HS3ST5: variants seen among roughly 807,000 people sequenced by gnomAD.
The protein encoded by HS3ST5 is heparan sulfate glucosamine 3-O-sulfotransferase 5.
In HS3ST5, 10 loss-of-function variants were observed where a neutral mutation model predicts 25.4. That is an observed-to-expected ratio of 0.39 (90% CI 0.24 to 0.67). The LOEUF is 0.67. Among genes scored for constraint, HS3ST5 ranks in the 30% least tolerant of loss-of-function variants. The pLI is 0.44. For missense variants in HS3ST5, 324 were observed against 420.7 expected, an observed-to-expected ratio of 0.77 and a Z score of 2.01; for synonymous variants, 170 against 162.4, an observed-to-expected ratio of 1.05 and a Z score of -0.36.
chr6:114,084,588 A>C, intron 3 of HS3ST5: 1 of 770,600 alleles, frequency 1.3e-6, no homozygotes, highest in South Asian at 1.3e-5. Flanking sequence ...CAAAGTCCAC[A>C]TAGTGCAGAG....
chr6:114,067,243 C>T (rs1299235199), intron 3 of HS3ST5, among the ~76,000 whole-genome samples: 2 of 152,046 alleles, frequency 1.3e-5, no homozygotes, highest in East Asian at 1.9e-4. Flanking sequence ...TGGGTCATGT[C>T]CATTGTATAA....
chr6:114,101,934 C>A (rs1377087611), intron 3 of HS3ST5, among the ~76,000 whole-genome samples: 3 of 152,126 alleles, frequency 2.0e-5, no homozygotes, highest in Admixed American at 1.3e-4. Context: ...TTATCCTAAG[C>A]AAACCAACTC....
intron 3 of HS3ST5, among the ~76,000 whole-genome samples, chr6:114,117,374 A>G (rs1776583040): frequency 6.6e-6 from 1 of 152,190 alleles, no homozygotes; most frequent in Admixed American, 6.5e-5. Flanking sequence ...ACGCAAAATC[A>G]GAAAATATGG....
At chr6:114,244,251 G>T (rs995874731) in intron 1 of HS3ST5, among the ~76,000 whole-genome samples, 1 of 152,104 alleles carries the variant, frequency 6.6e-6, no homozygotes, top group Non-Finnish European at 1.5e-5. Context: ...TCTTAGATTG[G>T]TGTTTGTGGA....
chr6:114,113,842 T>TA (rs1562202070), intron 3 of HS3ST5, among the ~76,000 whole-genome samples: 1 of 151,940 alleles, frequency 6.6e-6, no homozygotes. Context: ...CTTTTTTTTT[T>TA]ATGTGATCAT....
At chr6:114,283,915 A>C (rs1774231893) in intron 1 of HS3ST5, among the ~76,000 whole-genome samples, 1 of 151,972 alleles carries the variant, frequency 6.6e-6, no homozygotes, top group African/African-American at 2.4e-5. Flanking sequence ...AACTTATTAG[A>C]AATAACATTG....
intron 3 of HS3ST5, among the ~76,000 whole-genome samples, chr6:114,068,760 A>T (rs1773613884): frequency 2.0e-5 from 3 of 152,200 alleles, no homozygotes; most frequent in Admixed American, 1.3e-4. Flanking sequence ...TTCTTTTTAT[A>T]TAAAAAATGC....
At chr6:114,311,774 C>T (rs1369020623) in intron 1 of HS3ST5, among the ~76,000 whole-genome samples, 1 of 152,034 alleles carries the variant, frequency 6.6e-6, no homozygotes, top group Non-Finnish European at 1.5e-5. Flanking sequence ...AACTCCTGAC[C>T]TCAAGTGATC....
intron 3 of HS3ST5, among the ~76,000 whole-genome samples, chr6:114,096,791 G>T (rs964502462): frequency 2.0e-5 from 3 of 151,846 alleles, no homozygotes; most frequent in African/African-American, 7.2e-5. Flanking sequence ...TGGGAGGCCT[G>T]ACTATCACAG....
At chr6:114,289,475 G>A (rs1774478667) in intron 1 of HS3ST5, among the ~76,000 whole-genome samples, 1 of 151,984 alleles carries the variant, frequency 6.6e-6, no homozygotes, top group Non-Finnish European at 1.5e-5. Context: ...TTTTTAAATG[G>A]CCCCAGTCAG....
intron 2 of HS3ST5, among the ~76,000 whole-genome samples, chr6:114,198,750 A>G (rs1780876899): frequency 6.6e-6 from 1 of 152,326 alleles, no homozygotes. Context: ...TCATGTGGTT[A>G]TAAGTAGAAA....
At position 114,311,538 on chromosome 6, in the gene HS3ST5, TC is replaced by T. The variant is rs1429446502; in HGVS notation, c.-339+30656del. Among the ~76,000 whole-genome samples the T allele has an allele frequency of 1.8e-4, 18 of 101,860 alleles. No individual in the cohort carries two copies. In the South Asian group the frequency reaches 1.8e-3, roughly 10 times the overall value. 66.8% of individuals were successfully genotyped at this position (101,860 alleles called of 152,430 possible). ...AACATATTTTCTTTCTTTCTCTCTC[TC>T]TTTTTTTTTTTTTTTTTTTTTTTGA... On this transcript the variant is annotated intron_variant, in intron 1 of 4. Transcript: ENST00000312719.
intron 1 of HS3ST5, among the ~76,000 whole-genome samples, chr6:114,315,333 A>G (rs1033495571): frequency 2.0e-5 from 3 of 152,174 alleles, no homozygotes; most frequent in Non-Finnish European, 4.4e-5. Flanking sequence ...AAATATAAAA[A>G]AGATATATTT....
At chr6:114,118,565 A>G (rs1356725) in intron 3 of HS3ST5, among the ~76,000 whole-genome samples, 5 of 152,356 alleles carry the variant, frequency 3.3e-5, no homozygotes, top group African/African-American at 1.2e-4. Flanking sequence ...TCAAGAATAT[A>G]TAGTGAACAA....
At chr6:114,130,858 C>T (rs571678227) in intron 3 of HS3ST5, among the ~76,000 whole-genome samples, 9 of 152,144 alleles carry the variant, frequency 5.9e-5, no homozygotes, top group South Asian at 4.1e-4. Context: ...TGTGAGCCAC[C>T]GTGCCCAGCC....
At chr6:114,115,383 C>T (rs962135812) in intron 3 of HS3ST5, among the ~76,000 whole-genome samples, 1 of 152,062 alleles carries the variant, frequency 6.6e-6, no homozygotes, top group African/African-American at 2.4e-5. Flanking sequence ...AACCTTTTGG[C>T]TAAATTACAT....
At chr6:114,291,086 C>T (rs1048630072) in intron 1 of HS3ST5, among the ~76,000 whole-genome samples, 6 of 151,970 alleles carry the variant, frequency 3.9e-5, no homozygotes, top group African/African-American at 7.3e-5. Flanking sequence ...CAGGCCCTAT[C>T]CAGGGTAGGG....
intron 1 of HS3ST5, among the ~76,000 whole-genome samples, chr6:114,284,715 T>C (rs1774262472): frequency 6.6e-6 from 1 of 151,508 alleles, no homozygotes; most frequent in Non-Finnish European, 1.5e-5. Context: ...GTCATAATAG[T>C]TATATTGTAG....
In HS3ST5 at chr6:114,062,824, A is replaced by T; in HGVS notation, c.22T>A (p.Trp8Arg). The T allele has an allele frequency of 6.2e-7, 1 of 1,614,038 alleles. No homozygotes were observed. The part of the protein sequence containing the change: MLFKQQA[W>R]LRQKLLVLGS... ...AGCACCAGGAGCTTCTGTCTCAGCC[A>T]CGCCTGCTGTTTGAATAGCATGGCC... The change falls in exon 4 of 5, where the codon TGG becomes AGG. Residue 8 changes from tryptophan (W) to arginine (R), a missense_variant. Physicochemically the swap from Trp to Arg is moderately radical, Grantham distance 101 (BLOSUM62 -3). This residue lies in a region of HS3ST5 where 121 missense variants were observed against 117.3 expected (regional missense o/e 1.03). Coordinates refer to ENST00000312719, the MANE Select transcript of HS3ST5 (RefSeq NM_153612.4).
Sources: allele counts gnomAD v4.1 joint callset (sites outside exome capture counted in the v4.1 genomes callset), GRCh38; gene constraint gnomAD v4.1.1; regional missense constraint gnomAD v4.1.1; transcripts MANE v1.5; gene names NCBI Gene and HGNC (gene_info 2026-07-23, HGNC 2026-07-21).